Variants in HK2 observed in about 807,000 individuals in gnomAD.
HK2 encodes the protein hexokinase 2.
Under a neutral mutation model 92.9 loss-of-function variants are expected in HK2, and 42 were observed. The ratio of observed to expected loss-of-function variants is 0.45; its 90% CI spans 0.35 to 0.58. The LOEUF (loss-of-function observed/expected upper bound fraction) is 0.58. Ranked by LOEUF, HK2 falls within the 20% of genes least tolerant of loss-of-function variation. The pLI, the probability that HK2 is intolerant of heterozygous loss-of-function variation, is 0.00. For synonymous variants in HK2, 422 were observed against 468.0 expected (o/e 0.90, Z 1.27); for missense variants, 978 against 1,245.1 (o/e 0.79, Z 3.23).
At chr2:74,856,766 C>T (rs1432457506) in intron 2 of HK2, among the ~76,000 whole-genome samples, 1 of 152,094 alleles carries the variant, frequency 6.6e-6, no homozygotes, top group African/African-American at 2.4e-5. Context: ...AGTGGGAGGC[C>T]GAGTTAGGAA....
At position 74,880,594 on chromosome 2, in the gene HK2, C is replaced by T. The variant is rs371863515; in HGVS notation, c.1570+25C>T. 188 of 1,608,778 alleles carry T rather than the reference C, an allele frequency of 1.2e-4. 1 individual carries two copies. The Middle Eastern group carries it at 2.0e-3, about 17-fold the overall frequency. ...GGTACACGGCAGGGTTGCCACCTGG[C>T]TCACATGGTGGGCCTTTGTCCTGGT... On this transcript the variant is annotated intron_variant, in intron 10 of 17. Transcript: ENST00000290573.
intron 1 of HK2, among the ~76,000 whole-genome samples, chr2:74,852,308 G>A (rs1045615270): frequency 7.2e-5 from 11 of 152,200 alleles, no homozygotes; most frequent in Admixed American, 4.6e-4. Flanking sequence ...GCATTCCTGG[G>A]CCAGTCAGTG....
intron 1 of HK2, among the ~76,000 whole-genome samples, chr2:74,842,640 G>A (rs1688340678): frequency 6.6e-6 from 1 of 152,228 alleles, no homozygotes; most frequent in South Asian, 2.1e-4. Context: ...AGAGGACAGA[G>A]AAGTCAGAAG....
intron 2 of HK2, among the ~76,000 whole-genome samples, chr2:74,859,622 G>A (rs7557784): frequency 0.17 from 26,607 of 152,050 alleles, 2,916 homozygotes; most frequent in East Asian, 0.32. Context: ...GCCACAGAGC[G>A]AGACTCCATC....
intron 12 of HK2, 145 bp from the exon 13 acceptor site, chr2:74,885,349 A>C: frequency 1.4e-6 from 1 of 704,932 alleles, no homozygotes; most frequent in Non-Finnish European, 2.6e-6. Context: ...CCTTAGGAAC[A>C]GTTTAATTTG....
intron 3 of HK2, among the ~76,000 whole-genome samples, chr2:74,871,604 G>A (rs1689101428): frequency 2.0e-5 from 3 of 152,148 alleles, no homozygotes; most frequent in Non-Finnish European, 2.9e-5. Flanking sequence ...GTGCGGTCAC[G>A]GTTGTGAGGC....
intron 1 of HK2, among the ~76,000 whole-genome samples, chr2:74,846,396 C>T (rs1442844417): frequency 6.6e-6 from 1 of 152,134 alleles, no homozygotes. Context: ...CCATCCAGAT[C>T]CAGTAACAGA....
At chr2:74,862,025 C>T (rs1688844223) in intron 2 of HK2, among the ~76,000 whole-genome samples, 1 of 152,182 alleles carries the variant, frequency 6.6e-6, no homozygotes, top group Admixed American at 6.5e-5. Context: ...GAGCAGGGAA[C>T]CATGATGCTG....
chr2:74,836,305 A>G (rs1246213520), intron 1 of HK2, among the ~76,000 whole-genome samples: 1 of 152,024 alleles, frequency 6.6e-6, no homozygotes, highest in Non-Finnish European at 1.5e-5. Context: ...CAGGGTTGGA[A>G]CCCCGTTGGA....
In HK2 at chr2:74,890,961, G is replaced by A. The variant is rs1487450710; in HGVS notation, c.*20G>A. ...CGATAGAACCCCTGAAATCGGAAGG[G>A]ACTTCCTCTTTCTCTCCTTCTTCCC... On this transcript the variant is annotated 3_prime_UTR_variant, in exon 18 of 18. Coordinates refer to ENST00000290573, the MANE Select transcript of HK2 (RefSeq NM_000189.5). 6 of 1,613,172 alleles carry A rather than the reference G, an allele frequency of 3.7e-6. No individual in the cohort carries two copies. The highest frequency in any genetic ancestry group is 3.3e-5 in the Admixed American group (2 of 59,966).
rs368757678 is a variant in HK2, at chr2:74,887,906, C to T, written c.2223C>T (p.Phe741=). ...ATGAATGTTACTTGCATTGCAGGTTCGAGAAAATGATCAGTGGAATGTACC... is the reference window on the plus strand; with the variant it reads ...ATGAATGTTACTTGCATTGCAGGTTTGAGAAAATGATCAGTGGAATGTACC... ...ELSLNPGKQR[F]EKMISGMYLG... is the part of the protein sequence containing the mutation. Residue 741 remains phenylalanine (F), a synonymous_variant, in exon 16 of 18, where the codon TTC becomes TTT. Coordinates refer to ENST00000290573, the MANE Select transcript of HK2 (RefSeq NM_000189.5). 19 of 1,613,504 alleles carry T rather than the reference C, an allele frequency of 1.2e-5. No homozygotes were observed. Among genetic ancestry groups the T allele is most frequent in the Admixed American group, 6.7e-5 (4 of 59,998 alleles).
chr2:74,841,751 G>C (rs1688320868), intron 1 of HK2, among the ~76,000 whole-genome samples: 1 of 152,252 alleles, frequency 6.6e-6, no homozygotes, highest in East Asian at 1.9e-4. Context: ...AAGTGCTCCA[G>C]AAAGCCAGCA....
At chr2:74,844,944 C>T (rs1688402824) in intron 1 of HK2, among the ~76,000 whole-genome samples, 1 of 152,154 alleles carries the variant, frequency 6.6e-6, no homozygotes, top group African/African-American at 2.4e-5. Context: ...TCTTGAGCAC[C>T]TATTATATCC....
In HK2 at chr2:74,890,886, G is replaced by A; in HGVS notation, c.2699G>A (p.Gly900Glu). ...FLQSEDGSGKGAALITAVACR... is the reference protein window; with the variant it reads ...FLQSEDGSGKEAALITAVACR... ...CAGTCAGAGGATGGCAGCGGGAAGG[G>A]GGCGGCGCTCATCACTGCTGTGGCC... is the stretch of plus-strand genomic sequence containing the variant. Residue 900 changes from glycine (G) to glutamate (E), a missense_variant, in exon 18 of 18, where the codon GGG becomes GAG. Transcript: ENST00000290573. The A allele has an allele frequency of 6.2e-7, 1 of 1,614,214 alleles. No homozygotes were observed. Among genetic ancestry groups the A allele is most frequent in the Non-Finnish European group, 8.5e-7 (1 of 1,180,034 alleles).
intron 2 of HK2, among the ~76,000 whole-genome samples, chr2:74,859,054 A>G (rs651071): frequency 0.17 from 25,616 of 152,260 alleles, 2,274 homozygotes; most frequent in East Asian, 0.25. Context: ...AGAATACATT[A>G]AAAATGGTCT....
At chr2:74,837,721 G>C (rs868065327) in intron 1 of HK2, among the ~76,000 whole-genome samples, 53 of 146,830 alleles carry the variant, frequency 3.6e-4, no homozygotes, top group African/African-American at 1.3e-3. Flanking sequence ...CTGTCACCAG[G>C]CTGGAGTGCA....
At position 74,892,051 on chromosome 2, in the gene HK2, C is replaced by T. The variant is rs1342007509; in HGVS notation, c.*1110C>T. The T allele has an allele frequency of 6.6e-6, 1 of 152,588 alleles. No individual in the cohort carries two copies. Among genetic ancestry groups the T allele is most frequent in the Non-Finnish European group, 1.5e-5 (1 of 68,052 alleles). The allele number at this position is 152,588 out of a possible 1,614,324, so 9.5% of individuals were successfully genotyped here. On this transcript the variant is annotated 3_prime_UTR_variant, in exon 18 of 18. Transcript: ENST00000290573. ...GCAGGGACAGAGATGGAGGCCGAGC[C>T]AATAGACTGAAGAGACCACAGCAAT...
chr2:74,834,423 C>A lies in HK2; in HGVS notation c.-158C>A. Reference sequence around the variant, plus strand: ...AGACCCGCGCCCTCCGCCAGCCGGGCGCACCCTCGCCGGTAGCCTTCTTTG... The same window carrying A: ...AGACCCGCGCCCTCCGCCAGCCGGGAGCACCCTCGCCGGTAGCCTTCTTTG... On this transcript the variant is annotated 5_prime_UTR_variant, in exon 1 of 18. Coordinates refer to ENST00000290573, the MANE Select transcript of HK2 (RefSeq NM_000189.5). This position sits in a 1 kb window ranked among gnomAD's most constrained non-coding sequence, Gnocchi z 4.2. 2 of 728,112 alleles carry A rather than the reference C, an allele frequency of 2.7e-6. No homozygotes were observed. The highest frequency in any genetic ancestry group is 1.6e-5 in the South Asian group (1 of 64,202). The allele number at this position is 728,112 out of a possible 1,614,324, so 45.1% of individuals were successfully genotyped here.
chr2:74,880,149 C>G (rs939439187), intron 9 of HK2, 116 bp from the exon 10 acceptor site: 1 of 1,084,376 alleles, frequency 9.2e-7, no homozygotes, highest in Admixed American at 1.7e-5. Flanking sequence ...GGGCAGCACC[C>G]ACTCCTGCAG....
Sources: gnomAD v4.1 joint callset for allele counts (sites outside exome capture counted in the v4.1 genomes callset) on GRCh38, gnomAD v4.1.1 for gene constraint, Gnocchi (gnomAD v3.1) non-coding constraint, MANE v1.5 for transcripts, NCBI Gene and HGNC (gene_info 2026-07-23, HGNC 2026-07-21) for gene names.